Variants in SLC25A21 observed in about 807,000 individuals in gnomAD.
SLC25A21 encodes solute carrier family 25 member 21.
SLC25A21 carries 47 observed loss-of-function variants against 43.8 expected under a neutral mutation model. That is an observed-to-expected ratio of 1.07 (90% confidence interval 0.85 to 1.37). The LOEUF is 1.37. Ranked by LOEUF, SLC25A21 falls within the 40% of genes most tolerant of loss-of-function variation. The pLI is 0.00. For synonymous variants in SLC25A21, 131 were observed against 121.3 expected (o/e 1.08, Z -0.52); for missense variants, 352 against 350.2 (o/e 1.00, Z -0.04).
At chr14:36,871,109 A>C (rs955613958) in intron 2 of SLC25A21, among the ~76,000 whole-genome samples, 1 of 151,918 alleles carries the variant, frequency 6.6e-6, no homozygotes, top group Non-Finnish European at 1.5e-5. Flanking sequence ...CTATGGTCTG[A>C]ATGTTTGTGC....
intron 1 of SLC25A21, among the ~76,000 whole-genome samples, chr14:36,988,535 G>A (rs147678051): frequency 7.2e-5 from 11 of 152,244 alleles, no homozygotes; most frequent in African/African-American, 2.2e-4. Flanking sequence ...TTTATTTCAC[G>A]ATATTTCAAC....
intron 1 of SLC25A21, among the ~76,000 whole-genome samples, chr14:37,083,787 A>G (rs1347690741): frequency 6.6e-6 from 1 of 152,188 alleles, no homozygotes; most frequent in Non-Finnish European, 1.5e-5. Flanking sequence ...CAAGCCCTCC[A>G]TGTGACTCTT....
intron 5 of SLC25A21, among the ~76,000 whole-genome samples, 185 bp downstream of exon 5, chr14:36,729,322 C>A (rs180892294): frequency 6.6e-6 from 1 of 152,234 alleles, no homozygotes; most frequent in East Asian, 1.9e-4. Context: ...AAATTCATCA[C>A]TGGGAGCTAT....
At chr14:36,957,769 G>T (rs567056619) in intron 1 of SLC25A21, among the ~76,000 whole-genome samples, 1 of 152,196 alleles carries the variant, frequency 6.6e-6, no homozygotes, top group African/African-American at 2.4e-5. Context: ...CCCTTTCAAT[G>T]TAACTCACTA....
At chr14:37,017,090 C>T (rs1365967083) in intron 1 of SLC25A21, among the ~76,000 whole-genome samples, 7 of 152,038 alleles carry the variant, frequency 4.6e-5, no homozygotes, top group Admixed American at 3.9e-4. Flanking sequence ...TTTTCATTTA[C>T]TCACTTCAAT....
intron 1 of SLC25A21, among the ~76,000 whole-genome samples, chr14:36,996,474 G>A (rs1960374575): frequency 6.6e-6 from 1 of 152,192 alleles, no homozygotes; most frequent in Admixed American, 6.5e-5. Context: ...TAACCTTTGT[G>A]TGCCTCAAAT....
At chr14:37,156,268 C>A (rs915585197) in intron 1 of SLC25A21, among the ~76,000 whole-genome samples, 5 of 151,108 alleles carry the variant, frequency 3.3e-5, no homozygotes, top group Admixed American at 1.3e-4. Flanking sequence ...ATTCACCAAA[C>A]CGCAATGACA....
At chr14:36,989,746 A>T (rs757447378) in intron 1 of SLC25A21, among the ~76,000 whole-genome samples, 1 of 152,112 alleles carries the variant, frequency 6.6e-6, no homozygotes, top group Non-Finnish European at 1.5e-5. Flanking sequence ...CTTAACATTT[A>T]TAGTGATTCT....
intron 1 of SLC25A21, among the ~76,000 whole-genome samples, chr14:37,095,408 C>G (rs560712517): frequency 1.2e-4 from 18 of 152,234 alleles, no homozygotes; most frequent in Non-Finnish European, 2.1e-4. Context: ...AGCCCAGCTA[C>G]TTGGGAGGCT....
At chr14:36,951,650 AG>A (rs1393677187) in intron 1 of SLC25A21, among the ~76,000 whole-genome samples, 1 of 152,206 alleles carries the variant, frequency 6.6e-6, no homozygotes, top group Admixed American at 6.5e-5. Context: ...TTAAAATAAT[AG>A]TACTAAAGCA....
intron 1 of SLC25A21, among the ~76,000 whole-genome samples, chr14:37,003,818 C>A (rs1398272532): frequency 1.3e-5 from 2 of 152,162 alleles, no homozygotes; most frequent in Admixed American, 6.5e-5. Context: ...GTATTAGTCA[C>A]ATGGGCATGT....
intron 3 of SLC25A21, among the ~76,000 whole-genome samples, chr14:36,751,529 C>T (rs930425798): frequency 6.6e-6 from 1 of 152,174 alleles, no homozygotes; most frequent in African/African-American, 2.4e-5. Flanking sequence ...GAATTACGTA[C>T]TAATCTTGGT....
At chr14:36,938,925 ACT>A (rs1198712458) in intron 1 of SLC25A21, among the ~76,000 whole-genome samples, 1 of 152,068 alleles carries the variant, frequency 6.6e-6, no homozygotes, top group Non-Finnish European at 1.5e-5. Flanking sequence ...TTCAGATTTA[ACT>A]CTCTTATGCT....
intron 6 of SLC25A21, 25 bp downstream of exon 6, chr14:36,725,545 C>A (rs1222701768): frequency 3.3e-6 from 4 of 1,227,242 alleles, no homozygotes; most frequent in Non-Finnish European, 4.5e-6. Flanking sequence ...ATGCCCCTAA[C>A]AATAGAAAAA....
intron 1 of SLC25A21, among the ~76,000 whole-genome samples, chr14:37,119,891 C>T (rs1963175940): frequency 6.6e-6 from 1 of 152,058 alleles, no homozygotes; most frequent in African/African-American, 2.4e-5. Context: ...GCAGCAAGTT[C>T]CTACCTAAAG....
At chr14:36,735,959 C>T (rs1885020343) in intron 3 of SLC25A21, among the ~76,000 whole-genome samples, 1 of 71,588 alleles carries the variant, frequency 1.4e-5, no homozygotes, top group South Asian at 4.2e-4. Flanking sequence ...TTTTTTGAGA[C>T]CGAGTCTCAC....
chr14:36,693,035 G>A (rs1882858086), intron 7 of SLC25A21, among the ~76,000 whole-genome samples: 1 of 152,234 alleles, frequency 6.6e-6, no homozygotes, highest in East Asian at 1.9e-4. Context: ...AATAGGTGAA[G>A]TGGAGGTTGC....
intron 1 of SLC25A21, among the ~76,000 whole-genome samples, chr14:37,132,406 A>G (rs778963868): frequency 1.3e-5 from 2 of 152,192 alleles, no homozygotes; most frequent in Non-Finnish European, 2.9e-5. Context: ...AGAGGACAGC[A>G]TAGGTTGAAA....
intron 1 of SLC25A21, among the ~76,000 whole-genome samples, chr14:37,043,889 C>G (rs984170735): frequency 2.0e-5 from 3 of 151,458 alleles, no homozygotes; most frequent in African/African-American, 7.3e-5. Context: ...TGTGCACCAT[C>G]ATGTCTGGCT....
Sources: allele counts gnomAD v4.1 joint callset (sites outside exome capture counted in the v4.1 genomes callset), GRCh38; gene constraint gnomAD v4.1.1; transcripts MANE v1.5; gene names NCBI Gene and HGNC (gene_info 2026-07-23, HGNC 2026-07-21).